PPP1R1C: variants seen among roughly 807,000 people sequenced by gnomAD.
PPP1R1C encodes the protein protein phosphatase 1 regulatory inhibitor subunit 1C, also known as protein phosphatase 1 regulatory subunit 1C.
A neutral mutation model predicts 17.4 loss-of-function variants in PPP1R1C; 15 were observed. That is an observed-to-expected ratio of 0.86 (90% confidence interval 0.58 to 1.33). PPP1R1C has a LOEUF of 1.33. Among genes scored for constraint, PPP1R1C ranks in the 40% most tolerant of loss-of-function variants. PPP1R1C has a pLI of 0.00. For synonymous variants in PPP1R1C, 35 were observed against 43.1 expected, an observed-to-expected ratio of 0.81 and a Z score of 0.73; for missense variants, 143 against 130.0, an observed-to-expected ratio of 1.10 and a Z score of -0.48.
chr2:182,076,267 T>G (rs1688307845), intron 4 of PPP1R1C, among the ~76,000 whole-genome samples: 1 of 131,808 alleles, frequency 7.6e-6, no homozygotes, highest in East Asian at 2.5e-4. Context: ...GTCTCCTGGC[T>G]CACTGCAAGC....
chr2:182,047,314 A>G (rs1687377222), intron 2 of PPP1R1C, among the ~76,000 whole-genome samples: 1 of 152,226 alleles, frequency 6.6e-6, no homozygotes, highest in Non-Finnish European at 1.5e-5. Flanking sequence ...ATAGATCAAA[A>G]TGACATAAAA....
chr2:182,067,452 G>A (rs933270630), intron 4 of PPP1R1C, among the ~76,000 whole-genome samples: 1 of 151,954 alleles, frequency 6.6e-6, no homozygotes, highest in Non-Finnish European at 1.5e-5. Flanking sequence ...TTTGGAGGGT[G>A]GAAGATGAAA....
chr2:181,999,992 T>C (rs1485464236), intron 2 of PPP1R1C, among the ~76,000 whole-genome samples: 1 of 152,148 alleles, frequency 6.6e-6, no homozygotes, highest in Non-Finnish European at 1.5e-5. Flanking sequence ...TTTGTGCACA[T>C]ACAGTCATCT....
chr2:182,013,705 A>C (rs935968426), intron 2 of PPP1R1C, among the ~76,000 whole-genome samples: 2 of 152,070 alleles, frequency 1.3e-5, no homozygotes, highest in Admixed American at 1.3e-4. Context: ...TCTTGCAGGC[A>C]TGCTTAATTC....
intron 2 of PPP1R1C, among the ~76,000 whole-genome samples, chr2:182,053,259 C>T (rs1459717437): frequency 6.6e-6 from 1 of 152,162 alleles, no homozygotes; most frequent in African/African-American, 2.4e-5. Context: ...AAAATGTTTT[C>T]AGCTAAAGGG....
chr2:182,079,285 A>C (rs985627966), intron 4 of PPP1R1C, among the ~76,000 whole-genome samples: 1 of 152,248 alleles, frequency 6.6e-6, no homozygotes, highest in African/African-American at 2.4e-5. Context: ...GGTTTTGACA[A>C]GACAGTAAAC....
chr2:181,981,537 T>A (rs1157174426), upstream of PPP1R1C, among the ~76,000 whole-genome samples: 1 of 152,152 alleles, frequency 6.6e-6, no homozygotes, highest in Non-Finnish European at 1.5e-5. Context: ...AAAGAGTGGT[T>A]CATTTCACTT....
At chr2:182,112,742 C>T (rs1015204710) in intron 4 of PPP1R1C, among the ~76,000 whole-genome samples, 3 of 152,050 alleles carry the variant, frequency 2.0e-5, no homozygotes, top group Non-Finnish European at 4.4e-5. Flanking sequence ...AAACTATTGA[C>T]CTCCTTCCCT....
At position 182,063,716 on chromosome 2, in the gene PPP1R1C, T is replaced by G; in HGVS notation, c.181-15T>G. On this transcript the variant is annotated splice_polypyrimidine_tract_variant and intron_variant, in intron 3 of 4. Transcript: ENST00000682840. ...TCCAAATCTAAGGCTTTTACTTTTT[T>G]CTCTTTCTCCACAGTTACAGAATGC... The G allele has an allele frequency of 3.1e-6, 5 of 1,609,582 alleles. No individual in the cohort carries two copies. Among genetic ancestry groups the G allele is most frequent in the Non-Finnish European group, 3.4e-6 (4 of 1,176,312 alleles).
At position 181,957,313 on chromosome 2, in the gene PPP1R1C, C is replaced by T. The variant is rs1012306989; in HGVS notation, n.111+2679C>T. Among the ~76,000 whole-genome samples the T allele has an allele frequency of 1.3e-5, 2 of 152,014 alleles. No homozygotes were observed. Among genetic ancestry groups the T allele is most frequent in the Non-Finnish European group, 1.5e-5 (1 of 68,006 alleles). On this transcript the variant is annotated intron_variant and non_coding_transcript_variant, in intron 1 of 5. Transcript: ENST00000464264. The surrounding 1 kb of genome is among the most constrained non-coding windows in gnomAD (Gnocchi z 4.2). ...TGGAGGTTGTGGTAAGCCGAGGTAG[C>T]GCCACTGCACTTCAACCTGGGCGAC...
chr2:181,966,210 G>A (rs765369514), intron 1 of PPP1R1C, among the ~76,000 whole-genome samples: 1 of 152,116 alleles, frequency 6.6e-6, no homozygotes, highest in Non-Finnish European at 1.5e-5. Context: ...TTTTGGTGGA[G>A]GCTTTAGGTT....
intron 4 of PPP1R1C, among the ~76,000 whole-genome samples, chr2:182,064,972 T>C (rs138919254): frequency 2.0e-3 from 310 of 152,234 alleles, no homozygotes; most frequent in African/African-American, 7.2e-3. Context: ...AGTAATACTG[T>C]TCTCATGTCC....
At chr2:182,007,665 A>C (rs1435670488) in intron 2 of PPP1R1C, among the ~76,000 whole-genome samples, 1 of 152,242 alleles carries the variant, frequency 6.6e-6, no homozygotes, top group Admixed American at 6.5e-5. Context: ...CCCATTAGGC[A>C]ACAGAGGCAA....
At chr2:182,016,260 G>A (rs1279629673) in intron 2 of PPP1R1C, among the ~76,000 whole-genome samples, 1 of 152,176 alleles carries the variant, frequency 6.6e-6, no homozygotes, top group Non-Finnish European at 1.5e-5. Context: ...GGGAGGGGTG[G>A]CATCAGCAAT....
At chr2:182,121,414 T>G (rs1229040937), downstream of PPP1R1C, among the ~76,000 whole-genome samples, 1 of 152,162 alleles carries the variant, frequency 6.6e-6, no homozygotes, top group Non-Finnish European at 1.5e-5. Flanking sequence ...TATCTTAACT[T>G]TATCTACTTC....
chr2:181,955,768 G>A (rs879425748), intron 1 of PPP1R1C, among the ~76,000 whole-genome samples: 3 of 152,088 alleles, frequency 2.0e-5, no homozygotes, highest in Non-Finnish European at 4.4e-5. Flanking sequence ...TGATTATTAA[G>A]AAGTAAATAA....
intron 2 of PPP1R1C, among the ~76,000 whole-genome samples, chr2:182,049,742 A>AT (rs1687454272): frequency 6.6e-6 from 1 of 152,080 alleles, no homozygotes; most frequent in Non-Finnish European, 1.5e-5. Context: ...TTTACCTCTG[A>AT]TTTGTATATT....
chr2:181,982,805 A>G (rs545378638), upstream of PPP1R1C, among the ~76,000 whole-genome samples: 3 of 152,342 alleles, frequency 2.0e-5, no homozygotes, highest in East Asian at 5.8e-4. Flanking sequence ...GTGTAAAATC[A>G]GGAAGGCCTA....
intron 2 of PPP1R1C, among the ~76,000 whole-genome samples, chr2:182,030,003 A>G (rs1226307739): frequency 4.9e-5 from 5 of 102,616 alleles, no homozygotes; most frequent in South Asian, 8.4e-4. Flanking sequence ...AGTTGATCGC[A>G]TCGGCTCCTG....
Sources: gnomAD v4.1 joint callset for allele counts (sites outside exome capture counted in the v4.1 genomes callset) on GRCh38, gnomAD v4.1.1 for gene constraint, Gnocchi (gnomAD v3.1) non-coding constraint, MANE v1.5 for transcripts, NCBI Gene and HGNC (gene_info 2026-07-23, HGNC 2026-07-21) for gene names.